Variants in INSC observed in about 807,000 individuals in gnomAD.
INSC encodes INSC spindle orientation adaptor protein.
A neutral mutation model predicts 58.6 loss-of-function variants in INSC; 67 were observed. The ratio of observed to expected loss-of-function variants is 1.14; its 90% CI spans 0.94 to 1.40. The LOEUF (loss-of-function observed/expected upper bound fraction) is 1.40. INSC is among the 40% of genes most tolerant of loss of function. The probability of loss-of-function intolerance (pLI) is 0.00; values close to 1 mark genes in which losing one functional copy is unlikely to be tolerated. For missense variants in INSC, 714 were observed against 692.0 expected, an observed-to-expected ratio of 1.03 and a Z score of -0.36; for synonymous variants, 262 against 276.1, an observed-to-expected ratio of 0.95 and a Z score of 0.51.
chr11:15,235,267 T>G (rs1207764205), intron 9 of INSC: 1 of 354,934 alleles, frequency 2.8e-6, no homozygotes, highest in African/African-American at 2.1e-5. Flanking sequence ...ACCTGCTGGT[T>G]CTGTCTGCAT....
At chr11:15,131,024 T>G (rs983585297) in intron 1 of INSC, among the ~76,000 whole-genome samples, 6 of 152,084 alleles carry the variant, frequency 3.9e-5, no homozygotes, top group African/African-American at 1.4e-4. Context: ...TAATGTTTGT[T>G]CCTATCTTAA....
At chr11:15,122,845 C>A (rs2097164) in intron 1 of INSC, among the ~76,000 whole-genome samples, 4 of 152,198 alleles carry the variant, frequency 2.6e-5, no homozygotes, top group East Asian at 1.9e-4. Context: ...GCAGCCAGAG[C>A]GCATTTCAAA....
At chr11:15,142,238 T>C (rs1479085423) in intron 1 of INSC, among the ~76,000 whole-genome samples, 1 of 152,244 alleles carries the variant, frequency 6.6e-6, no homozygotes, top group Non-Finnish European at 1.5e-5. Flanking sequence ...AGAAGTCTTC[T>C]GTATTTCCCT....
At chr11:15,137,047 A>G (rs1215943843) in intron 1 of INSC, among the ~76,000 whole-genome samples, 2 of 152,194 alleles carry the variant, frequency 1.3e-5, no homozygotes, top group African/African-American at 4.8e-5. Context: ...AGATGTTAGC[A>G]GTGTGAAAAC....
chr11:15,128,230 C>T (rs776474050), intron 1 of INSC, among the ~76,000 whole-genome samples: 1 of 152,160 alleles, frequency 6.6e-6, no homozygotes, highest in Non-Finnish European at 1.5e-5. Flanking sequence ...GATTTCTATC[C>T]CGCCAAATGG....
intron 7 of INSC, among the ~76,000 whole-genome samples, chr11:15,205,721 A>G (rs971123861): frequency 3.3e-5 from 5 of 152,076 alleles, no homozygotes; most frequent in African/African-American, 1.2e-4. Context: ...AGACGAGGAA[A>G]CTGAGACTCC....
intron 12 of INSC, among the ~76,000 whole-genome samples, chr11:15,243,541 C>T (rs1258399785): frequency 1.3e-5 from 2 of 152,092 alleles, no homozygotes; most frequent in Non-Finnish European, 2.9e-5. Flanking sequence ...GGCAAGGGTG[C>T]AGGGTCCTTT....
At chr11:15,169,357 T>C (rs1849311760) in intron 2 of INSC, among the ~76,000 whole-genome samples, 5 of 152,194 alleles carry the variant, frequency 3.3e-5, no homozygotes, top group Admixed American at 6.5e-5. Context: ...GCCTGACTGG[T>C]GACCGCTTTT....
At chr11:15,159,140 G>C (rs1043275830) in intron 2 of INSC, among the ~76,000 whole-genome samples, 1 of 152,096 alleles carries the variant, frequency 6.6e-6, no homozygotes, top group Non-Finnish European at 1.5e-5. Flanking sequence ...TTTGTCCCTG[G>C]GTCTGCCTAC....
At chr11:15,215,686 G>A (rs1351189973) in intron 7 of INSC, among the ~76,000 whole-genome samples, 3 of 152,122 alleles carry the variant, frequency 2.0e-5, no homozygotes, top group Non-Finnish European at 2.9e-5. Flanking sequence ...GAGAAAATTT[G>A]GTATAAGAAC....
At chr11:15,204,790 C>A (rs962426781) in intron 7 of INSC, among the ~76,000 whole-genome samples, 1 of 152,232 alleles carries the variant, frequency 6.6e-6, no homozygotes. Context: ...GGCCTTCTCA[C>A]TGAGGTTCGC....
intron 5 of INSC, among the ~76,000 whole-genome samples, chr11:15,188,932 T>C (rs1186688070): frequency 1.3e-5 from 2 of 152,216 alleles, no homozygotes; most frequent in Admixed American, 1.3e-4. Flanking sequence ...GTGTGATCTT[T>C]ATAGGGATTT....
At chr11:15,122,427 A>G (rs1415967584) in intron 1 of INSC, among the ~76,000 whole-genome samples, 1 of 152,234 alleles carries the variant, frequency 6.6e-6, no homozygotes, top group Non-Finnish European at 1.5e-5. Context: ...GTGAATGCAG[A>G]AAGTGAGGGA....
At chr11:15,213,140 G>GT (rs34834597) in intron 7 of INSC, among the ~76,000 whole-genome samples, 37,229 of 147,354 alleles carry the variant, frequency 0.25, 5,362 homozygotes, top group East Asian at 0.73. Context: ...TACTTGAGGA[G>GT]TTTTTTTTTT....
rs1564917254 is a variant in INSC, at chr11:15,229,978, ATT to A, written c.1170+4151_1170+4152del. 4.2e-3 allele frequency among the ~76,000 whole-genome samples: 105 copies of A among 25,184 alleles called. 2 individuals are homozygous for A. Among genetic ancestry groups the A allele is most frequent in the Non-Finnish European group, 5.8e-3 (87 of 15,038 alleles). The allele number at this position is 25,184 out of a possible 152,430, so 16.5% of individuals were successfully genotyped here. A position where few individuals can be genotyped will look rare whatever the true frequency, so the allele number is the denominator to read the frequency against. ...TATATATTTATATATATATATATATATTATATATATATATATATATATATATA... is the reference window on the plus strand; with the variant it reads ...TATATATTTATATATATATATATATAATATATATATATATATATATATATA... On this transcript the variant is annotated intron_variant, in intron 9 of 12. Coordinates refer to ENST00000379556, the MANE Select transcript of INSC (RefSeq NM_001042536.3).
intron 7 of INSC, among the ~76,000 whole-genome samples, chr11:15,209,095 C>A (rs1589972076): frequency 6.6e-6 from 1 of 152,178 alleles, no homozygotes; most frequent in Non-Finnish European, 1.5e-5. Flanking sequence ...GAGTGGAAAT[C>A]TTCCTAGGCC....
chr11:15,168,859 T>G (rs538941120), intron 2 of INSC, among the ~76,000 whole-genome samples: 1 of 152,316 alleles, frequency 6.6e-6, no homozygotes, highest in East Asian at 1.9e-4. Context: ...ATGGATGTGT[T>G]GACCTTATGA....
chr11:15,149,843 C>T (rs1848595019), intron 2 of INSC, among the ~76,000 whole-genome samples: 1 of 152,182 alleles, frequency 6.6e-6, no homozygotes, highest in South Asian at 2.1e-4. Flanking sequence ...AACCCTCTCT[C>T]TCTCCCACTT....
chr11:15,133,576 T>C (rs1848172860), intron 1 of INSC, among the ~76,000 whole-genome samples: 1 of 121,542 alleles, frequency 8.2e-6, no homozygotes, highest in Non-Finnish European at 2.0e-5. Context: ...TAAACTGAGT[T>C]TCTGGTTTTC....
Sources: allele counts gnomAD v4.1 joint callset (sites outside exome capture counted in the v4.1 genomes callset), GRCh38; gene constraint gnomAD v4.1.1; transcripts MANE v1.5; gene names NCBI Gene and HGNC (gene_info 2026-07-23, HGNC 2026-07-21).